The following MYO3B variants were observed in gnomAD, a reference collection of about 807,000 sequenced individuals.
The protein encoded by MYO3B is myosin-IIIb.
MYO3B carries 156 observed loss-of-function variants against 174.6 expected under a neutral mutation model. The observed-to-expected ratio is 0.89, with a 90% CI of 0.78 to 1.02. MYO3B has a LOEUF of 1.02. MYO3B is among the 50% of genes least tolerant of loss of function. The probability of loss-of-function intolerance (pLI) is 0.00; values close to 1 mark genes in which losing one functional copy is unlikely to be tolerated. For missense variants in MYO3B, 1,632 were observed against 1,639.4 expected, an observed-to-expected ratio of 1.00 and a Z score of 0.08; for synonymous variants, 563 against 569.1, an observed-to-expected ratio of 0.99 and a Z score of 0.15.
At chr2:170,328,588 A>AT (rs963079867) in intron 7 of MYO3B, among the ~76,000 whole-genome samples, 1 of 152,170 alleles carries the variant, frequency 6.6e-6, no homozygotes, top group Non-Finnish European at 1.5e-5. Context: ...CACCTAAGAG[A>AT]TATTTTAAAA....
At chr2:170,613,478 C>T (rs13383314) in intron 32 of MYO3B, among the ~76,000 whole-genome samples, 66,381 of 152,088 alleles carry the variant, frequency 0.44, 15,594 homozygotes, top group Non-Finnish European at 0.52. Context: ...TGCTAAAAAG[C>T]ATATTAATGC....
At chr2:170,257,737 C>G (rs1017798973) in intron 7 of MYO3B, among the ~76,000 whole-genome samples, 2 of 151,898 alleles carry the variant, frequency 1.3e-5, no homozygotes, top group African/African-American at 4.8e-5. Flanking sequence ...AAGAGCAGAA[C>G]AGAACAAAAT....
chr2:170,497,265 T>C (rs1430908771), intron 25 of MYO3B, among the ~76,000 whole-genome samples: 1 of 2,626 alleles, frequency 3.8e-4, no homozygotes, highest in African/African-American at 4.0e-4. Context: ...TAATAAACTA[T>C]TTTTTCGATT....
At chr2:170,394,574 A>G (rs764516527) in intron 16 of MYO3B, among the ~76,000 whole-genome samples, 1 of 152,228 alleles carries the variant, frequency 6.6e-6, no homozygotes, top group South Asian at 2.1e-4. Context: ...AAAGATGGTG[A>G]ACATTTTTCA....
chr2:170,514,440 G>A (rs1559073806), intron 28 of MYO3B, among the ~76,000 whole-genome samples: 1 of 152,130 alleles, frequency 6.6e-6, no homozygotes, highest in Non-Finnish European at 1.5e-5. Flanking sequence ...AGGAAGGGAG[G>A]GGCACTTCCA....
At chr2:170,300,202 T>C (rs1240659085) in intron 7 of MYO3B, among the ~76,000 whole-genome samples, 1 of 152,194 alleles carries the variant, frequency 6.6e-6, no homozygotes, top group East Asian at 1.9e-4. Context: ...ATGAGCTGCT[T>C]TGGCCAAAGA....
At chr2:170,499,281 C>T (rs563992653) in intron 26 of MYO3B, among the ~76,000 whole-genome samples, 37 of 152,316 alleles carry the variant, frequency 2.4e-4, no homozygotes, top group Non-Finnish European at 4.3e-4. Flanking sequence ...CTCTGAACTT[C>T]CACTGTTGGC....
At chr2:170,638,402 A>ATGTT (rs1251934821) in intron 32 of MYO3B, among the ~76,000 whole-genome samples, 1 of 152,202 alleles carries the variant, frequency 6.6e-6, no homozygotes, top group Non-Finnish European at 1.5e-5. Flanking sequence ...TGAATGAATC[A>ATGTT]TGTTAGAATG....
At chr2:170,214,565 G>T (rs2092807574) in intron 4 of MYO3B, 82 bp downstream of exon 4, 1 of 1,416,388 alleles carries the variant, frequency 7.1e-7, no homozygotes, top group Non-Finnish European at 1.0e-6. Context: ...TATTAACAAT[G>T]GGGAAACTGC....
rs545140535 is a variant in MYO3B, at chr2:170,592,867, CATATAG to C, written c.3733+48885_3733+48890del. ...CTATCCATATAGATAGATATAGATA[CATATAG>C]ATATATAGACAGATATATCTATATC... On this transcript the variant is annotated intron_variant, in intron 32 of 34. Coordinates refer to ENST00000408978, the MANE Select transcript of MYO3B (RefSeq NM_138995.5). Among the ~76,000 whole-genome samples the C allele has an allele frequency of 9.2e-5, 14 of 151,938 alleles. No homozygotes were observed. In the East Asian group the frequency reaches 2.3e-3, roughly 25 times the overall value.
At chr2:170,602,716 C>G (rs1694588741) in intron 32 of MYO3B, among the ~76,000 whole-genome samples, 1 of 152,148 alleles carries the variant, frequency 6.6e-6, no homozygotes, top group South Asian at 2.1e-4. Flanking sequence ...ATGTCATCCT[C>G]CTGATCAGAA....
At chr2:170,230,439 C>G (rs2105284145) in intron 6 of MYO3B, among the ~76,000 whole-genome samples, 1 of 144,848 alleles carries the variant, frequency 6.9e-6, no homozygotes. Context: ...CCTTGGCCTC[C>G]CAAAGTGCTG....
At chr2:170,501,260 C>T (rs919585447) in intron 27 of MYO3B, among the ~76,000 whole-genome samples, 3 of 152,184 alleles carry the variant, frequency 2.0e-5, no homozygotes, top group Non-Finnish European at 2.9e-5. Context: ...GCATACCTCT[C>T]GGCACAGAAT....
chr2:170,314,037 A>T (rs903455677), intron 7 of MYO3B, among the ~76,000 whole-genome samples: 2 of 152,198 alleles, frequency 1.3e-5, no homozygotes, highest in African/African-American at 4.8e-5. Flanking sequence ...GGGGGAAAGA[A>T]GGGGACTGTG....
intron 9 of MYO3B, among the ~76,000 whole-genome samples, chr2:170,377,474 T>C (rs2094302839): frequency 6.6e-6 from 1 of 152,154 alleles, no homozygotes; most frequent in African/African-American, 2.4e-5. Flanking sequence ...GCTGCACTCA[T>C]TTCCTTGGAC....
chr2:170,287,939 A>G (rs989890103), intron 7 of MYO3B, among the ~76,000 whole-genome samples: 1 of 152,098 alleles, frequency 6.6e-6, no homozygotes, highest in Non-Finnish European at 1.5e-5. Flanking sequence ...ATTCTTCTAC[A>G]TATAGTTATC....
chr2:170,563,428 A>C (rs1384411446), intron 32 of MYO3B, among the ~76,000 whole-genome samples: 1 of 152,190 alleles, frequency 6.6e-6, no homozygotes, highest in East Asian at 1.9e-4. Context: ...ACCTTCAGTT[A>C]AGGACACAGT....
chr2:170,549,437 A>G (rs375036271), intron 32 of MYO3B, among the ~76,000 whole-genome samples: 2 of 152,322 alleles, frequency 1.3e-5, no homozygotes, highest in Admixed American at 6.5e-5. Context: ...CGGGTCTTTC[A>G]TGGCCTGTCT....
At chr2:170,330,794 G>A (rs2093906277) in intron 7 of MYO3B, among the ~76,000 whole-genome samples, 1 of 152,190 alleles carries the variant, frequency 6.6e-6, no homozygotes, top group Non-Finnish European at 1.5e-5. Context: ...TCCAAATCAA[G>A]TCAATACTCC....
Sources: gnomAD v4.1 joint callset for allele counts (sites outside exome capture counted in the v4.1 genomes callset) on GRCh38, gnomAD v4.1.1 for gene constraint, MANE v1.5 for transcripts, NCBI Gene and HGNC (gene_info 2026-07-23, HGNC 2026-07-21) for gene names.